MNS1: variants seen among roughly 807,000 people sequenced by gnomAD.
MNS1 encodes meiosis specific nuclear structural 1.
MNS1 carries 63 observed loss-of-function variants against 72.0 expected under a neutral mutation model. The observed-to-expected ratio is 0.87, with a 90% CI of 0.71 to 1.08. MNS1 has a LOEUF of 1.08. Ranked by LOEUF, MNS1 falls within the 50% of genes least tolerant of loss-of-function variation. MNS1 has a pLI of 0.00. For missense variants in MNS1, 604 were observed against 562.4 expected (o/e 1.07, Z -0.75); for synonymous variants, 188 against 172.1 (o/e 1.09, Z -0.72).
In MNS1 at chr15:56,445,062, C is replaced by T. The variant is rs190216389; in HGVS notation, c.457-389G>A. 4.6e-5 allele frequency among the ~76,000 whole-genome samples: 7 copies of T among 152,134 alleles called. No homozygotes were observed. The East Asian group carries it at 1.4e-3, about 29-fold the overall frequency. On this transcript the variant is annotated intron_variant, in intron 4 of 9. Coordinates refer to ENST00000260453, the MANE Select transcript of MNS1 (RefSeq NM_018365.4). ...CATCGTTTTTAGCTTCATTGTTTAT[C>T]AGCTGCTATTTAAAGATGGTACTGC...
intron 7 of MNS1, among the ~76,000 whole-genome samples, chr15:56,436,171 C>T (rs1033045627): frequency 6.6e-5 from 10 of 152,098 alleles, no homozygotes; most frequent in African/African-American, 9.7e-5. Flanking sequence ...CAGCACCACA[C>T]CGCACTTATT....
Position 56,446,901 on chromosome 15 carries a change from G to A in MNS1, c.396C>T (p.Tyr132=), listed in dbSNP as rs1417093711. 6.2e-7 allele frequency: 1 copy of A among 1,609,980 alleles called. No individual in the cohort carries two copies. The highest frequency in any genetic ancestry group is 8.5e-7 in the Non-Finnish European group (1 of 1,179,046). The change falls in exon 4 of 10, where the codon TAC becomes TAT. Residue 132 remains tyrosine, a synonymous_variant. Transcript: ENST00000260453. ...TCTGAGCTGCCCTTTCTTTATTCAT[G>A]TAAGCTGCTTTTAATTTCTTCTCCA... ...RELEKKLKAA[Y]MNKERAAQIA...
In MNS1 at chr15:56,465,082, G is replaced by A. The variant is rs1276831257; in HGVS notation, c.-110C>T. The stretch of plus-strand genomic sequence containing the variant: ...CGCACCTGGCTGCGCGCGCTCGGGT[G>A]TTTACGCGGCGTCTTGGCAACGGTG... On this transcript the variant is annotated 5_prime_UTR_variant, in exon 1 of 10. Transcript: ENST00000260453. 1 of 1,472,536 alleles carries A rather than the reference G, an allele frequency of 6.8e-7. No individual in the cohort carries two copies. The highest frequency in any genetic ancestry group is 9.2e-7 in the Non-Finnish European group (1 of 1,084,120). 91.2% of individuals were successfully genotyped at this position (1,472,536 alleles called of 1,614,324 possible). A position where few individuals can be genotyped will look rare whatever the true frequency, so the allele number is the denominator to read the frequency against.
At chr15:56,438,580 A>G (rs954942236) in intron 7 of MNS1, among the ~76,000 whole-genome samples, 2 of 152,150 alleles carry the variant, frequency 1.3e-5, no homozygotes, top group African/African-American at 2.4e-5. Context: ...GGACATAGGC[A>G]TGGGCAAGGA....
At chr15:56,455,247 G>GAAAAAA (rs56339584) in intron 3 of MNS1, among the ~76,000 whole-genome samples, 1 of 82,914 alleles carries the variant, frequency 1.2e-5, no homozygotes, top group Non-Finnish European at 2.4e-5. Flanking sequence ...ATCGTCAGGT[G>GAAAAAA]AAAAAAAAAA....
intron 7 of MNS1, among the ~76,000 whole-genome samples, chr15:56,439,092 G>C (rs1286469830): frequency 6.6e-6 from 1 of 152,098 alleles, no homozygotes; most frequent in Non-Finnish European, 1.5e-5. Context: ...ATTCAGCAAG[G>C]TTGTGAGATA....
At position 56,464,063 on chromosome 15, in the gene MNS1, T is replaced by A. The variant is rs1397551470; in HGVS notation, c.188A>T (p.Glu63Val). 6.2e-6 allele frequency: 10 copies of A among 1,613,592 alleles called. No individual in the cohort carries two copies. The African/African-American group carries it at 1.3e-4, about 22-fold the overall frequency. ...RKQFLRLLQN[E>V]QFELDMEEAI... is the part of the protein sequence containing the mutation. ...CTCTTCCATATCCAACTCAAATTGT[T>A]CATTTTGTAATAATCTGAGAAATTG... The change falls in exon 2 of 10, where the codon GAA (glutamate) becomes GTA (valine). Residue 63 changes from glutamate (E) to valine (V), a missense_variant. Glu to Val is a moderately radical substitution (Grantham distance 121). Transcript: ENST00000260453.
chr15:56,460,009 A>AAT (rs2051009415), intron 2 of MNS1, among the ~76,000 whole-genome samples: 1 of 26,406 alleles, frequency 3.8e-5, no homozygotes, highest in Non-Finnish European at 7.0e-5. Flanking sequence ...AAAAAAAAAA[A>AAT]ATACATATAT....
At chr15:56,440,086 T>C (rs1181004735) in intron 7 of MNS1, among the ~76,000 whole-genome samples, 1 of 151,866 alleles carries the variant, frequency 6.6e-6, no homozygotes, top group Non-Finnish European at 1.5e-5. Context: ...ACAACCCAAT[T>C]AGAGAATCAG....
intron 3 of MNS1, among the ~76,000 whole-genome samples, chr15:56,450,445 T>C (rs1272742627): frequency 6.6e-6 from 1 of 152,190 alleles, no homozygotes; most frequent in East Asian, 1.9e-4. Context: ...ACCCCTGGAA[T>C]TCCTAATCTG....
rs778835456 is a variant in MNS1 at position 56,434,266 on chromosome 15, C to G, written c.1141G>C (p.Ala381Pro). Reference protein sequence around the residue: ...EEENFRKTMLAKFAEDDRIEL... With the variant: ...EEENFRKTMLPKFAEDDRIEL... ...ATTCGATCATCCTCAGCAAATTTAG[C>G]TAGCATAGTTTTTCTAAAGTTCTCC... The change falls in exon 8 of 10, where the codon GCT becomes CCT. Residue 381 changes from alanine (A) to proline (P), a missense_variant. Coordinates refer to ENST00000260453, the MANE Select transcript of MNS1 (RefSeq NM_018365.4). 4.3e-6 allele frequency: 7 copies of G among 1,613,902 alleles called. No homozygotes were observed. Among genetic ancestry groups the G allele is most frequent in the Non-Finnish European group, 5.9e-6 (7 of 1,179,930 alleles).
At chr15:56,454,881 T>G (rs772233931) in intron 3 of MNS1, among the ~76,000 whole-genome samples, 2 of 152,202 alleles carry the variant, frequency 1.3e-5, no homozygotes, top group Non-Finnish European at 2.9e-5. Context: ...AATCTGTGTC[T>G]AATAAAATCT....
intron 2 of MNS1, among the ~76,000 whole-genome samples, chr15:56,459,803 C>T: frequency 6.7e-6 from 1 of 150,268 alleles, no homozygotes; most frequent in Non-Finnish European, 1.5e-5. Flanking sequence ...CGAGCCTGAC[C>T]AACGTGGAGA....
Position 56,460,009 on chromosome 15 carries a change from A to AAAAAAATAT in MNS1, c.226-3489_226-3488insATATTTTTT. 1.2e-3 allele frequency among the ~76,000 whole-genome samples: 32 copies of AAAAAAATAT among 26,382 alleles called. 6 individuals carry two copies. The highest frequency in any genetic ancestry group is 2.6e-3 in the African/African-American group (17 of 6,654). The allele number at this position is 26,382 out of a possible 152,430, so 17.3% of individuals were successfully genotyped here. A position where few individuals can be genotyped will look rare whatever the true frequency, so the allele number is the denominator to read the frequency against. ...CTGTCTCAAAAAAAAAAAAAAAAAA[A>AAAAAAATAT]ATACATATATATATATATATATATA... On this transcript the variant is annotated intron_variant, in intron 2 of 9. Transcript: ENST00000260453.
At chr15:56,440,822 T>C (rs189095674) in intron 7 of MNS1, among the ~76,000 whole-genome samples, 161 of 152,330 alleles carry the variant, frequency 1.1e-3, no homozygotes, top group East Asian at 2.7e-3. Flanking sequence ...TCTGTCATTC[T>C]TTTAATAGCT....
chr15:56,460,009 A>AAAAAAAAATATATATAT, intron 2 of MNS1, among the ~76,000 whole-genome samples: 10 of 26,384 alleles, frequency 3.8e-4, no homozygotes, highest in South Asian at 1.5e-3. Flanking sequence ...AAAAAAAAAA[A>AAAAAAAAATATATATAT]ATACATATAT....
intron 3 of MNS1, among the ~76,000 whole-genome samples, chr15:56,455,550 C>T (rs1227886841): frequency 2.6e-5 from 4 of 152,190 alleles, no homozygotes; most frequent in African/African-American, 2.4e-5. Flanking sequence ...TAACAACTAT[C>T]GAAGTAAATT....
chr15:56,463,773 CTCCA>C (rs1361595297), intron 2 of MNS1: 1 of 420,500 alleles, frequency 2.4e-6, no homozygotes, highest in Admixed American at 4.2e-5. Context: ...CAGAGCAAGA[CTCCA>C]TCCAAAAAAA....
At chr15:56,448,465 C>CTA (rs113731622) in intron 3 of MNS1, among the ~76,000 whole-genome samples, 4,719 of 152,156 alleles carry the variant, frequency 0.031, 183 homozygotes, top group East Asian at 0.093. Context: ...TAGCTCCCAC[C>CTA]TATAAGTGAG....
Sources: gnomAD v4.1 joint callset for allele counts (sites outside exome capture counted in the v4.1 genomes callset) on GRCh38, gnomAD v4.1.1 for gene constraint, MANE v1.5 for transcripts, NCBI Gene and HGNC (gene_info 2026-07-23, HGNC 2026-07-21) for gene names.